The following COLEC10 variants were observed in gnomAD, a reference collection of about 807,000 sequenced individuals.
The protein encoded by COLEC10 is collectin subfamily member 10.
COLEC10 carries 22 observed loss-of-function variants against 28.4 expected under a neutral mutation model. The observed-to-expected ratio is 0.78, with a 90% CI of 0.55 to 1.11. The LOEUF is 1.11. Among genes scored for constraint, COLEC10 ranks in the 50% least tolerant of loss-of-function variants. COLEC10 has a pLI of 0.00. For missense variants in COLEC10, 361 were observed against 344.1 expected, an observed-to-expected ratio of 1.05 and a Z score of -0.39; for synonymous variants, 125 against 116.1, an observed-to-expected ratio of 1.08 and a Z score of -0.49.
the COLEC10 span, among the ~76,000 whole-genome samples, chr8:118,987,897 C>G: frequency 6.6e-6 from 1 of 152,116 alleles, no homozygotes; most frequent in African/African-American, 2.4e-5. Flanking sequence ...TCTTTGGTTT[C>G]AGCACCAACA....
chr8:119,070,448 T>G (rs184098110), intron 1 of COLEC10, among the ~76,000 whole-genome samples: 1,734 of 115,290 alleles, frequency 0.015, 25 homozygotes, highest in Non-Finnish European at 0.022. Context: ...TCTCCCTCGC[T>G]CTCTCTCTCT....
intron 2 of COLEC10, among the ~76,000 whole-genome samples, chr8:119,060,995 G>T (rs572677919): frequency 6.6e-6 from 1 of 152,020 alleles, no homozygotes; most frequent in East Asian, 1.9e-4. Flanking sequence ...ATAATGGATA[G>T]ATTTAGAGAG....
chr8:119,096,535 G>C (rs1815722039), intron 3 of COLEC10, among the ~76,000 whole-genome samples: 2 of 152,052 alleles, frequency 1.3e-5, no homozygotes, highest in Admixed American at 1.3e-4. Context: ...AGATTGCAGT[G>C]AGCAAAGATC....
intron 2 of COLEC10, among the ~76,000 whole-genome samples, chr8:119,038,360 A>G (rs1286089148): frequency 6.6e-6 from 1 of 152,232 alleles, no homozygotes; most frequent in Non-Finnish European, 1.5e-5. Context: ...AATATCAAAA[A>G]TTGCATGCTG....
At chr8:119,091,117 T>C (rs752666763) in intron 2 of COLEC10, 32 bp from the exon 3 acceptor site, 1 of 1,565,030 alleles carries the variant, frequency 6.4e-7, no homozygotes, top group Non-Finnish European at 8.8e-7. Flanking sequence ...GATAAAACCT[T>C]ATGATAAAAA....
At chr8:119,056,764 T>C (rs1325040819) in intron 2 of COLEC10, among the ~76,000 whole-genome samples, 5 of 152,016 alleles carry the variant, frequency 3.3e-5, no homozygotes, top group Non-Finnish European at 5.9e-5. Context: ...AATATTGGCA[T>C]TCTTTTTAAA....
intron 2 of COLEC10, among the ~76,000 whole-genome samples, chr8:119,011,833 A>G (rs375147776): frequency 1.3e-5 from 2 of 150,954 alleles, no homozygotes; most frequent in African/African-American, 2.5e-5. Context: ...ACAATTGTTC[A>G]TTAGTTTCTG....
the COLEC10 span, among the ~76,000 whole-genome samples, chr8:118,954,731 C>A: frequency 6.6e-6 from 1 of 152,210 alleles, no homozygotes; most frequent in Non-Finnish European, 1.5e-5. Flanking sequence ...TTTGGATTGA[C>A]CCCCAGTGAC....
At chr8:118,979,995 C>T in the COLEC10 span, among the ~76,000 whole-genome samples, 11 of 152,072 alleles carry the variant, frequency 7.2e-5, no homozygotes, top group East Asian at 3.9e-4. Flanking sequence ...CTTGCTTCCC[C>T]GGTGTGAGTA....
intron 2 of COLEC10, among the ~76,000 whole-genome samples, chr8:119,037,853 A>C (rs968081827): frequency 2.0e-5 from 3 of 152,218 alleles, no homozygotes; most frequent in African/African-American, 7.2e-5. Context: ...TCATTCTATA[A>C]AAGCAATAAT....
the COLEC10 span, among the ~76,000 whole-genome samples, chr8:118,968,988 A>G: frequency 6.6e-6 from 1 of 152,048 alleles, no homozygotes; most frequent in Non-Finnish European, 1.5e-5. Flanking sequence ...TTATAGCAAA[A>G]GAGGTTTCAC....
intron 1 of COLEC10, among the ~76,000 whole-genome samples, chr8:119,077,429 T>C (rs191421345): frequency 9.8e-5 from 15 of 152,288 alleles, no homozygotes; most frequent in Admixed American, 5.9e-4. Context: ...CATTCTCAAC[T>C]GCCAAGGTGT....
the COLEC10 span, among the ~76,000 whole-genome samples, chr8:118,974,369 G>A: frequency 2.0e-5 from 3 of 151,846 alleles, no homozygotes; most frequent in Non-Finnish European, 4.4e-5. Flanking sequence ...GGGGAGTGCT[G>A]ATTTATTCTA....
the COLEC10 span, among the ~76,000 whole-genome samples, chr8:118,957,353 T>C: frequency 3.9e-5 from 6 of 152,186 alleles, no homozygotes; most frequent in African/African-American, 1.2e-4. Context: ...GATAATGTAA[T>C]GGTGACGGCT....
rs1683910828 is a variant in COLEC10 at position 119,106,489 on chromosome 8, T to C, written c.*298T>C. The C allele has an allele frequency of 3.5e-6, 1 of 282,092 alleles. No individual in the cohort carries two copies. Among genetic ancestry groups the C allele is most frequent in the African/African-American group, 2.1e-5 (1 of 46,812 alleles). 17.5% of individuals were successfully genotyped at this position (282,092 alleles called of 1,614,324 possible). A position where few individuals can be genotyped will look rare whatever the true frequency, so the allele number is the denominator to read the frequency against. ...TATGTCAAATGAGTTGTTCTCTTGG[T>C]ATTTGCTCTACCATCTCTCCCTAGA... On this transcript the variant is annotated 3_prime_UTR_variant, in exon 6 of 6. Coordinates refer to ENST00000332843, the MANE Select transcript of COLEC10 (RefSeq NM_006438.5).
intron 1 of COLEC10, among the ~76,000 whole-genome samples, chr8:119,079,297 T>G (rs1389757192): frequency 4.6e-5 from 7 of 152,202 alleles, no homozygotes; most frequent in Admixed American, 4.6e-4. Flanking sequence ...ACTTCATTAT[T>G]CTGACTTGCT....
At chr8:119,045,800 C>T (rs950371200) in intron 2 of COLEC10, among the ~76,000 whole-genome samples, 1 of 152,118 alleles carries the variant, frequency 6.6e-6, no homozygotes, top group Non-Finnish European at 1.5e-5. Context: ...TACATGTTTG[C>T]TATTTTGGTT....
intron 1 of COLEC10, among the ~76,000 whole-genome samples, chr8:119,070,268 T>C (rs1323192311): frequency 6.6e-6 from 1 of 152,190 alleles, no homozygotes; most frequent in African/African-American, 2.4e-5. Context: ...ACATCATCAA[T>C]AGAAATTTTA....
intron 2 of COLEC10, among the ~76,000 whole-genome samples, chr8:119,023,851 T>A (rs1814138776): frequency 6.6e-6 from 1 of 152,132 alleles, no homozygotes; most frequent in Non-Finnish European, 1.5e-5. Flanking sequence ...AAAAGCAGGA[T>A]TTTTAATGGT....
Sources: allele counts gnomAD v4.1 joint callset (sites outside exome capture counted in the v4.1 genomes callset), GRCh38; gene constraint gnomAD v4.1.1; transcripts MANE v1.5; gene names NCBI Gene and HGNC (gene_info 2026-07-23, HGNC 2026-07-21).